The following CELA2A variants were observed in gnomAD, a reference collection of about 807,000 sequenced individuals.
CELA2A encodes the protein chymotrypsin-like elastase family member 2A.
Under a neutral mutation model 35.3 loss-of-function variants are expected in CELA2A, and 31 were observed. The observed-to-expected ratio is 0.88, with a 90% CI of 0.66 to 1.19. CELA2A has a LOEUF of 1.19. Ranked by LOEUF, CELA2A falls within the 50% of genes most tolerant of loss-of-function variation. CELA2A has a pLI of 0.00. For synonymous variants in CELA2A, 150 were observed against 149.8 expected, an observed-to-expected ratio of 1.00 and a Z score of -0.01; for missense variants, 330 against 352.9, an observed-to-expected ratio of 0.94 and a Z score of 0.52.
At chr1:15,467,097 A>G (rs1171534839) in intron 6 of CELA2A, among the ~76,000 whole-genome samples, 1 of 152,132 alleles carries the variant, frequency 6.6e-6, no homozygotes, top group Non-Finnish European at 1.5e-5. Context: ...TCAACACTCC[A>G]GTTTCTCCTC....
intron 6 of CELA2A, 118 bp downstream of exon 6, chr1:15,466,262 A>G (rs1318488204): frequency 3.2e-6 from 4 of 1,238,738 alleles, no homozygotes; most frequent in Non-Finnish European, 4.5e-6. Context: ...ACCCCGAAAC[A>G]TGTTCCAGAT....
At chr1:15,457,420 T>C in intron 2 of CELA2A, 1 of 447,600 alleles carries the variant, frequency 2.2e-6, no homozygotes, top group East Asian at 4.0e-5. Flanking sequence ...GAGACCAGCC[T>C]GGCCAACATG....
chr1:15,461,603 T>C lies in CELA2A; in HGVS notation c.172T>C (p.Cys58Arg), dbSNP rs1421149926. The C allele has an allele frequency of 6.2e-7, 1 of 1,612,738 alleles. No individual in the cohort carries two copies. Among genetic ancestry groups the C allele is most frequent in the Non-Finnish European group, 8.5e-7 (1 of 1,180,004 alleles). Reference sequence around the variant, plus strand: ...CTCCAATGGCAAGTGGTACCACACCTGCGGAGGGTCCCTGATAGCCAACAG... The same window carrying C: ...CTCCAATGGCAAGTGGTACCACACCCGCGGAGGGTCCCTGATAGCCAACAG... The part of the protein sequence containing the change: ...YSSNGKWYHT[C>R]GGSLIANSWV... Residue 58 changes from cysteine to arginine, a missense_variant, in exon 3 of 8, where the codon TGC becomes CGC. Physicochemically the swap from Cys to Arg is radical, Grantham distance 180. Coordinates refer to ENST00000359621, the MANE Select transcript of CELA2A (RefSeq NM_033440.3).
intron 2 of CELA2A, among the ~76,000 whole-genome samples, chr1:15,460,713 T>C (rs1708422186): frequency 6.6e-6 from 1 of 152,070 alleles, no homozygotes; most frequent in Admixed American, 6.5e-5. Flanking sequence ...TTAAAATTTT[T>C]TTGGTAGGGT....
intron 5 of CELA2A, among the ~76,000 whole-genome samples, chr1:15,465,534 G>A (rs544335504): frequency 6.6e-6 from 1 of 152,246 alleles, no homozygotes; most frequent in South Asian, 2.1e-4. Flanking sequence ...AAGCCATGGA[G>A]CTAGCTCAGC....
Position 15,466,008 on chromosome 1 carries a change from C to A in CELA2A, c.503C>A (p.Ala168Asp). The A allele has an allele frequency of 3.1e-6, 5 of 1,614,150 alleles. No homozygotes were observed. Among genetic ancestry groups the A allele is most frequent in the Non-Finnish European group, 8.5e-7 (1 of 1,180,034 alleles). ...TGWGRLQTNG[A>D]VPDVLQQGRL... ...CTCTGATCTCATTCAGCCAACGGGG[C>A]TGTTCCTGATGTCCTGCAGCAGGGC... Residue 168 changes from alanine (A) to aspartate (D), a missense_variant, in exon 6 of 8, where the codon GCT becomes GAT. Physicochemically the swap from Ala to Asp is moderately radical, Grantham distance 126. Coordinates refer to ENST00000359621, the MANE Select transcript of CELA2A (RefSeq NM_033440.3).
chr1:15,461,809 TCAG>T (rs1179954737), intron 3 of CELA2A, 151 bp downstream of exon 3: 1 of 888,238 alleles, frequency 1.1e-6, no homozygotes, highest in Non-Finnish European at 1.8e-6. Flanking sequence ...AATCAATGGT[TCAG>T]TGTGTTGGCC....
Position 15,463,390 on chromosome 1 carries a change from G to C in CELA2A, c.361G>C (p.Asp121His). ...WNSNQISKGN[D>H]IALLKLANPV... Reference sequence around the variant, plus strand: ...TTCGCCTCCACACTCACCCAGGAACGACATTGCCCTGCTCAAACTGGCTAA... The same window carrying C: ...TTCGCCTCCACACTCACCCAGGAACCACATTGCCCTGCTCAAACTGGCTAA... The change falls in exon 5 of 8, where the codon GAC becomes CAC. Residue 121 changes from aspartate to histidine, a missense_variant. Asp to His is a moderately conservative substitution (Grantham distance 81, BLOSUM62 -1). Transcript: ENST00000359621. 1 of 1,613,694 alleles carries C rather than the reference G, an allele frequency of 6.2e-7. No homozygotes were observed. The highest frequency in any genetic ancestry group is 1.1e-5 in the South Asian group (1 of 91,068).
At chr1:15,461,510 G>A in intron 2 of CELA2A, 51 bp from the exon 3 acceptor site, 1 of 1,600,974 alleles carries the variant, frequency 6.2e-7, no homozygotes, top group East Asian at 2.2e-5. Context: ...GGAGTGCAGG[G>A]AGGCCCTGCT....
rs748255817 is a variant in CELA2A, at chr1:15,466,058, AC to A, written c.555del (p.Cys186AlafsTer11). The A allele has an allele frequency of 3.1e-6, 5 of 1,614,120 alleles. No homozygotes were observed. In the South Asian group the frequency reaches 5.5e-5, roughly 18 times the overall value. ...CCGGTTGCTGGTTGTGGACTATGCC[AC>A]CTGCTCCAGCTCTGCCTGGTGGGGC... ...QGRLLVVDYA[T>X]CSSSAWWGSS... is the part of the protein sequence containing the mutation. On this transcript the variant is annotated frameshift_variant, in exon 6 of 8. Transcript: ENST00000359621. LOFTEE classifies it high-confidence loss of function.
chr1:15,471,374 T>C (rs1708591835), intron 7 of CELA2A, among the ~76,000 whole-genome samples: 1 of 151,988 alleles, frequency 6.6e-6, no homozygotes, highest in Non-Finnish European at 1.5e-5. Flanking sequence ...TGGTGAAACC[T>C]CATCTCTACT....
chr1:15,461,592 G>C lies in CELA2A; in HGVS notation c.161G>C (p.Trp54Ser), dbSNP rs775776330. 13 of 1,612,346 alleles carry C rather than the reference G, an allele frequency of 8.1e-6. No individual in the cohort carries two copies. The highest frequency in any genetic ancestry group is 1.0e-5 in the Non-Finnish European group (12 of 1,179,998). The change falls in exon 3 of 8, where the codon TGG (tryptophan) becomes TCG (serine). Residue 54 changes from tryptophan (W) to serine (S), a missense_variant. Physicochemically the swap from Trp to Ser is radical, Grantham distance 177 (BLOSUM62 -3). Transcript: ENST00000359621. ...VSLQYSSNGK[W>S]YHTCGGSLIA... The stretch of plus-strand genomic sequence containing the variant: ...CTGCAGTACAGCTCCAATGGCAAGT[G>C]GTACCACACCTGCGGAGGGTCCCTG...
At chr1:15,469,560 C>T (rs1708564240) in intron 7 of CELA2A, among the ~76,000 whole-genome samples, 1 of 152,194 alleles carries the variant, frequency 6.6e-6, no homozygotes, top group Non-Finnish European at 1.5e-5. Flanking sequence ...CAGGTGGCTG[C>T]TTCCAAGTGT....
chr1:15,467,434 C>G lies in CELA2A; in HGVS notation c.688C>G (p.Gln230Glu), dbSNP rs375207414. The G allele has an allele frequency of 3.0e-5, 48 of 1,613,900 alleles. 1 individual carries two copies. The highest frequency in any genetic ancestry group is 4.4e-5 in the South Asian group (4 of 91,094). Reference protein sequence around the residue: ...LNCQASDGRWQVHGIVSFGSR... With the variant: ...LNCQASDGRWEVHGIVSFGSR... ...CTGTCAGGCGTCTGACGGCCGGTGGCAGGTGCACGGCATCGTCAGCTTCGG... is the reference window on the plus strand; with the variant it reads ...CTGTCAGGCGTCTGACGGCCGGTGGGAGGTGCACGGCATCGTCAGCTTCGG... Residue 230 changes from glutamine to glutamate, a missense_variant, in exon 7 of 8, where the codon CAG becomes GAG. Gln to Glu is a conservative substitution (Grantham distance 29). Transcript: ENST00000359621.
intron 3 of CELA2A, chr1:15,462,061 G>T: frequency 2.1e-6 from 1 of 480,852 alleles, no homozygotes; most frequent in South Asian, 1.5e-5. Context: ...TTACCAAAGG[G>T]CCTGGCACTT....
chr1:15,461,798 C>A, intron 3 of CELA2A, 140 bp downstream of exon 3: 1 of 952,350 alleles, frequency 1.1e-6, no homozygotes, highest in Non-Finnish European at 1.7e-6. Flanking sequence ...AAGCTGTAGT[C>A]AATCAATGGT....
intron 6 of CELA2A, 129 bp from the exon 7 acceptor site, chr1:15,467,257 A>G (rs1708531043): frequency 4.3e-6 from 4 of 920,364 alleles, no homozygotes; most frequent in East Asian, 2.6e-5. Context: ...ACCTTGGGCT[A>G]TGACCACAAG....
In CELA2A at chr1:15,457,125, C is replaced by G. The variant is rs1389600243; in HGVS notation, c.80C>G (p.Thr27Ser). 6 of 1,614,044 alleles carry G rather than the reference C, an allele frequency of 3.7e-6. No homozygotes were observed. Among genetic ancestry groups the G allele is most frequent in the Non-Finnish European group, 4.2e-6 (5 of 1,180,026 alleles). Residue 27 changes from threonine (T) to serine (S), a missense_variant, in exon 2 of 8, where the codon ACT (threonine) becomes AGT (serine). Transcript: ENST00000359621. Reference sequence around the variant, plus strand: ...GACCCCACTTACCCACCTTATGTGACTAGGGTGGTTGGCGGTGAAGAAGCG... The same window carrying G: ...GACCCCACTTACCCACCTTATGTGAGTAGGGTGGTTGGCGGTGAAGAAGCG... ...CGDPTYPPYV[T>S]RVVGGEEARP...
intron 7 of CELA2A, among the ~76,000 whole-genome samples, chr1:15,470,194 G>A (rs965180957): frequency 1.3e-5 from 2 of 152,168 alleles, no homozygotes; most frequent in African/African-American, 4.8e-5. Flanking sequence ...TGGCAGCAGC[G>A]GAGGAGCTAG....
Sources: gnomAD v4.1 joint callset for allele counts (sites outside exome capture counted in the v4.1 genomes callset) on GRCh38, gnomAD v4.1.1 for gene constraint, MANE v1.5 for transcripts, NCBI Gene and HGNC (gene_info 2026-07-23, HGNC 2026-07-21) for gene names.